Variants in RGS21 observed in about 807,000 individuals in gnomAD.
RGS21 encodes the protein regulator of G-protein signalling 21.
Under a neutral mutation model 18.7 loss-of-function variants are expected in RGS21, and 19 were observed. The observed-to-expected ratio is 1.01, with a 90% CI of 0.71 to 1.49. RGS21 has a LOEUF of 1.49. Ranked by LOEUF, RGS21 falls within the 40% of genes most tolerant of loss-of-function variation. The probability of loss-of-function intolerance (pLI) is 0.00; values close to 1 mark genes in which losing one functional copy is unlikely to be tolerated. For missense variants in RGS21, 194 were observed against 176.8 expected, an observed-to-expected ratio of 1.10 and a Z score of -0.55; for synonymous variants, 56 against 57.8, an observed-to-expected ratio of 0.97 and a Z score of 0.14.
chr1:192,342,487 T>C (rs1463281196), intron 1 of RGS21, among the ~76,000 whole-genome samples: 1 of 151,972 alleles, frequency 6.6e-6, no homozygotes, highest in Admixed American at 6.6e-5. Flanking sequence ...TATTAGAACA[T>C]TTTAGTTCAT....
chr1:192,330,209 G>A (rs1182376311), intron 1 of RGS21, among the ~76,000 whole-genome samples: 5 of 152,310 alleles, frequency 3.3e-5, no homozygotes, highest in South Asian at 2.1e-4. Flanking sequence ...TAGGTGTTAC[G>A]AAAGTTCAGA....
intron 2 of RGS21, among the ~76,000 whole-genome samples, chr1:192,345,628 A>G (rs1237039974): frequency 6.6e-6 from 1 of 151,856 alleles, no homozygotes; most frequent in Non-Finnish European, 1.5e-5. Context: ...TCTAGATTTT[A>G]TTTTTCAGTT....
At chr1:192,356,017 T>C (rs972312520) in intron 4 of RGS21, among the ~76,000 whole-genome samples, 2 of 151,686 alleles carry the variant, frequency 1.3e-5, no homozygotes, top group Non-Finnish European at 3.0e-5. Context: ...AAAAAACACA[T>C]TGGTAGTTTT....
At chr1:192,341,609 C>A (rs1288412261) in intron 1 of RGS21, among the ~76,000 whole-genome samples, 1 of 152,036 alleles carries the variant, frequency 6.6e-6, no homozygotes, top group East Asian at 1.9e-4. Context: ...GGAAAGTGCA[C>A]ATTAAACAAT....
At chr1:192,331,802 G>A (rs1346913705) in intron 1 of RGS21, among the ~76,000 whole-genome samples, 2 of 151,598 alleles carry the variant, frequency 1.3e-5, no homozygotes, top group Non-Finnish European at 2.9e-5. Flanking sequence ...AGACACAAGG[G>A]TCTCTACTTT....
At chr1:192,322,208 T>C (rs1658507333) in intron 1 of RGS21, among the ~76,000 whole-genome samples, 1 of 152,038 alleles carries the variant, frequency 6.6e-6, no homozygotes, top group Non-Finnish European at 1.5e-5. Flanking sequence ...CATTTGAATA[T>C]AGAAGCATGA....
intron 1 of RGS21, among the ~76,000 whole-genome samples, chr1:192,319,565 A>AT (rs1353126414): frequency 6.6e-6 from 1 of 152,114 alleles, no homozygotes; most frequent in Non-Finnish European, 1.5e-5. Flanking sequence ...AAAATAATAC[A>AT]TTCATTGAAA....
At chr1:192,359,651 G>GTA (rs1448592098) in intron 4 of RGS21, among the ~76,000 whole-genome samples, 205 of 82,842 alleles carry the variant, frequency 2.5e-3, no homozygotes, top group African/African-American at 0.011. Context: ...ATATGTGTGT[G>GTA]TGTGTATATA....
rs969586601 is a variant in RGS21, at chr1:192,365,968, T to C, written c.303T>C (p.Ala101=). ...GTRDLISKNI[A]EPTLKCFDEA... ...GAGACCTCATCTCAAAGAATATTGC[T>C]GAACCAACACTCAAATGCTTTGATG... Residue 101 remains alanine (A), a synonymous_variant, in exon 5 of 5, where the codon GCT becomes GCC. Transcript: ENST00000417209. The C allele has an allele frequency of 6.2e-7, 1 of 1,611,338 alleles. No homozygotes were observed. The highest frequency in any genetic ancestry group is 1.1e-5 in the South Asian group (1 of 90,890).
intron 4 of RGS21, among the ~76,000 whole-genome samples, chr1:192,362,255 T>A (rs1659196847): frequency 6.6e-6 from 1 of 152,114 alleles, no homozygotes; most frequent in Admixed American, 6.6e-5. Flanking sequence ...TAAAACTGAT[T>A]TAGTAATATT....
chr1:192,359,780 C>CTATA (rs201335119), intron 4 of RGS21, among the ~76,000 whole-genome samples: 6 of 140,410 alleles, frequency 4.3e-5, no homozygotes, highest in African/African-American at 1.4e-4. Flanking sequence ...CTCTCTCTCT[C>CTATA]TCTATATATA....
chr1:192,364,579 G>A (rs1390070823), intron 4 of RGS21, among the ~76,000 whole-genome samples: 1 of 152,050 alleles, frequency 6.6e-6, no homozygotes, highest in Non-Finnish European at 1.5e-5. Flanking sequence ...TAGCTGAGGA[G>A]GAATTTGATT....
At chr1:192,324,696 T>G (rs1475098900) in intron 1 of RGS21, among the ~76,000 whole-genome samples, 1 of 151,954 alleles carries the variant, frequency 6.6e-6, no homozygotes, top group Non-Finnish European at 1.5e-5. Flanking sequence ...ATTATAAAAT[T>G]TTGGCATTCA....
intron 4 of RGS21, among the ~76,000 whole-genome samples, chr1:192,363,546 G>C (rs1659216040): frequency 6.6e-6 from 1 of 152,070 alleles, no homozygotes; most frequent in South Asian, 2.1e-4. Context: ...TACAAATCTT[G>C]ATAATAGCCA....
chr1:192,342,923 G>A (rs183262537), intron 1 of RGS21, 54 bp from the exon 2 acceptor site: 4 of 999,676 alleles, frequency 4.0e-6, no homozygotes, highest in Non-Finnish European at 6.3e-6. Context: ...TGTAACCCAG[G>A]GGATAGGTAT....
intron 1 of RGS21, among the ~76,000 whole-genome samples, chr1:192,320,535 T>TATGTGTATGTGTATGTGTATGTGC (rs1353769761): frequency 1.3e-5 from 2 of 151,392 alleles, no homozygotes; most frequent in South Asian, 4.2e-4. Flanking sequence ...TATGTATGTG[T>TATGTGTATGTGTATGTGTATGTGC]ATGTGTATGT....
At chr1:192,356,932 G>C (rs1227665244) in intron 4 of RGS21, among the ~76,000 whole-genome samples, 1 of 151,594 alleles carries the variant, frequency 6.6e-6, no homozygotes, top group Non-Finnish European at 1.5e-5. Flanking sequence ...ATCAATACTT[G>C]AATACTTACT....
chr1:192,326,339 C>T (rs796968668), intron 1 of RGS21, among the ~76,000 whole-genome samples: 15 of 152,078 alleles, frequency 9.9e-5, no homozygotes, highest in African/African-American at 2.9e-4. Flanking sequence ...ATTAGACTCT[C>T]TTAAAACGGC....
chr1:192,320,472 T>C (rs1348813849), intron 1 of RGS21, among the ~76,000 whole-genome samples: 1 of 144,434 alleles, frequency 6.9e-6, no homozygotes, highest in African/African-American at 2.5e-5. Context: ...GCTAATCCTC[T>C]AGCACAGACC....
Sources: gnomAD v4.1 joint callset for allele counts (sites outside exome capture counted in the v4.1 genomes callset) on GRCh38, gnomAD v4.1.1 for gene constraint, MANE v1.5 for transcripts, NCBI Gene and HGNC (gene_info 2026-07-23, HGNC 2026-07-21) for gene names.